Variants in RMND5B observed in about 807,000 individuals in gnomAD.
RMND5B encodes the protein E3 ubiquitin-protein transferase RMND5B.
A neutral mutation model predicts 50.4 loss-of-function variants in RMND5B; 42 were observed. The observed-to-expected ratio is 0.83, with a 90% CI of 0.65 to 1.08. The LOEUF is 1.08. RMND5B is among the 50% of genes least tolerant of loss of function. RMND5B has a pLI of 0.00. For missense variants in RMND5B, 463 were observed against 508.5 expected, an observed-to-expected ratio of 0.91 and a Z score of 0.86; for synonymous variants, 220 against 210.0, an observed-to-expected ratio of 1.05 and a Z score of -0.41.
At position 178,138,488 on chromosome 5, in the gene RMND5B, TTTCTA is replaced by T; in HGVS notation, c.139+233_139+237del. On this transcript the variant is annotated intron_variant, in intron 3 of 10. Coordinates refer to ENST00000313386, the MANE Select transcript of RMND5B (RefSeq NM_022762.5). The surrounding 1 kb of genome is among the most constrained non-coding windows in gnomAD (Gnocchi z 5.1). ...ATTTACATTTTGTTTTCAACTTACT[TTTCTA>T]TTTTTAACTTTTTTTCATTTTATAA... The T allele has an allele frequency of 8.3e-7, 1 of 1,206,050 alleles. No homozygotes were observed. The highest frequency in any genetic ancestry group is 1.6e-5 in the African/African-American group (1 of 64,224). The allele number at this position is 1,206,050 out of a possible 1,614,324, so 74.7% of individuals were successfully genotyped here.
At chr5:178,140,675 C>G (rs180861580) in intron 3 of RMND5B, among the ~76,000 whole-genome samples, 144 of 151,746 alleles carry the variant, frequency 9.5e-4, no homozygotes, top group Middle Eastern at 3.4e-3. Flanking sequence ...ACTAAAAATA[C>G]AAAAATTAGC....
intron 3 of RMND5B, among the ~76,000 whole-genome samples, chr5:178,141,068 A>G (rs994394226): frequency 6.6e-6 from 1 of 152,190 alleles, no homozygotes; most frequent in Admixed American, 6.5e-5. Context: ...TCACACTCAT[A>G]TTCTTATTTT....
rs1473457493 is a variant in RMND5B, at chr5:178,137,582, A to C, written c.-12-526A>C. Among the ~76,000 whole-genome samples, 1 of 152,132 alleles carries C rather than the reference A, an allele frequency of 6.6e-6. No homozygotes were observed. The highest frequency in any genetic ancestry group is 2.4e-5 in the African/African-American group (1 of 41,432). On this transcript the variant is annotated intron_variant, in intron 2 of 10. Transcript: ENST00000313386. This position sits in a 1 kb window ranked among gnomAD's most constrained non-coding sequence, Gnocchi z 4.4. ...CACACTCCTGTGGTCCCAGCTAGTCAGGAGGCTAAAGTGGGAGAATCCCTT... is the reference window on the plus strand; with the variant it reads ...CACACTCCTGTGGTCCCAGCTAGTCCGGAGGCTAAAGTGGGAGAATCCCTT...
At position 178,138,491 on chromosome 5, in the gene RMND5B, CTATTTT is replaced by C. The variant is rs920780744; in HGVS notation, c.139+236_139+241del. On this transcript the variant is annotated intron_variant, in intron 3 of 10. Coordinates refer to ENST00000313386, the MANE Select transcript of RMND5B (RefSeq NM_022762.5). This position sits in a 1 kb window ranked among gnomAD's most constrained non-coding sequence, Gnocchi z 5.1. The stretch of plus-strand genomic sequence containing the variant: ...TACATTTTGTTTTCAACTTACTTTT[CTATTTT>C]TAACTTTTTTTCATTTTATAATTGT... The C allele has an allele frequency of 3.6e-6, 4 of 1,107,394 alleles. No homozygotes were observed. In the African/African-American group the frequency reaches 4.9e-5, roughly 13 times the overall value. The allele number at this position is 1,107,394 out of a possible 1,614,324, so 68.6% of individuals were successfully genotyped here. A position where few individuals can be genotyped will look rare whatever the true frequency, so the allele number is the denominator to read the frequency against.
intron 2 of RMND5B, among the ~76,000 whole-genome samples, chr5:178,134,205 G>C (rs1758492825): frequency 6.6e-6 from 1 of 152,316 alleles, no homozygotes; most frequent in Middle Eastern, 3.4e-3. Context: ...ACTCTTGCCA[G>C]GTTATGAAGC....
At chr5:178,132,926 G>A (rs1044543343) in intron 2 of RMND5B, among the ~76,000 whole-genome samples, 3 of 151,174 alleles carry the variant, frequency 2.0e-5, no homozygotes, top group Non-Finnish European at 2.9e-5. Flanking sequence ...GTGCAGTGGC[G>A]CCATCTCAGC....
Position 178,137,705 on chromosome 5 carries a change from A to G in RMND5B, c.-12-403A>G, listed in dbSNP as rs911554801. ...AGCCTGTCTCAAAAAAAGAAAATAC[A>G]TACGTGTAATATGACATTATGCAGT... is the stretch of plus-strand genomic sequence containing the variant. On this transcript the variant is annotated intron_variant, in intron 2 of 10. Coordinates refer to ENST00000313386, the MANE Select transcript of RMND5B (RefSeq NM_022762.5). The surrounding 1 kb of genome is among the most constrained non-coding windows in gnomAD (Gnocchi z 4.4). Among the ~76,000 whole-genome samples the G allele has an allele frequency of 3.3e-5, 5 of 152,180 alleles. No homozygotes were observed. The highest frequency in any genetic ancestry group is 7.3e-5 in the Non-Finnish European group (5 of 68,040).
At chr5:178,132,151 A>G (rs1379701966) in intron 2 of RMND5B, among the ~76,000 whole-genome samples, 3 of 152,110 alleles carry the variant, frequency 2.0e-5, no homozygotes, top group African/African-American at 7.2e-5. Context: ...TGTCGCTCCA[A>G]AAAATTAGGC....
rs796999019 is a variant in RMND5B, at chr5:178,137,411, G to A, written c.-12-697G>A. ...TAACTCTATGAAAATACACGGGCCG[G>A]GCATGGTGGCTTATGCCTATAATCC... On this transcript the variant is annotated intron_variant, in intron 2 of 10. Coordinates refer to ENST00000313386, the MANE Select transcript of RMND5B (RefSeq NM_022762.5). The surrounding 1 kb of genome is among the most constrained non-coding windows in gnomAD (Gnocchi z 4.4). Among the ~76,000 whole-genome samples the A allele has an allele frequency of 3.3e-5, 5 of 152,294 alleles. No homozygotes were observed. In the South Asian group the frequency reaches 1.0e-3, roughly 32 times the overall value.
rs776510301 is a variant in RMND5B at position 178,150,082 on chromosome 5, G to A, written c.*2050G>A. 1.3e-4 allele frequency: 53 copies of A among 412,152 alleles called. No homozygotes were observed. The highest frequency in any genetic ancestry group is 2.2e-4 in the Non-Finnish European group (49 of 225,102). The allele number at this position is 412,152 out of a possible 1,614,324, so 25.5% of individuals were successfully genotyped here. A position where few individuals can be genotyped will look rare whatever the true frequency, so the allele number is the denominator to read the frequency against. ...ACTATGAAAGGGCTCCAGCCCAGCA[G>A]GGGCTGTCCCGGTCCCTGCCACCCC... On this transcript the variant is annotated 3_prime_UTR_variant, in exon 11 of 11. Coordinates refer to ENST00000313386, the MANE Select transcript of RMND5B (RefSeq NM_022762.5).
chr5:178,143,674 G>A lies in RMND5B; in HGVS notation c.474G>A (p.Glu158=), dbSNP rs114810177. 10 of 1,614,212 alleles carry A rather than the reference G, an allele frequency of 6.2e-6. No homozygotes were observed. Among genetic ancestry groups the A allele is most frequent in the Non-Finnish European group, 8.5e-6 (10 of 1,180,032 alleles). ...TGGATTTCAAGCAGCCTTTCCTAGA[G>A]TTGAATCGAATCCTGGAAGCCCTGC... ...VDLDFKQPFL[E]LNRILEALHE... is the part of the protein sequence containing the mutation. The change falls in exon 6 of 11, where the codon GAG becomes GAA. Residue 158 remains glutamate (E), a synonymous_variant. Transcript: ENST00000313386.
In RMND5B at chr5:178,148,229, C is replaced by A; in HGVS notation, c.*197C>A. On this transcript the variant is annotated 3_prime_UTR_variant, in exon 11 of 11. Coordinates refer to ENST00000313386, the MANE Select transcript of RMND5B (RefSeq NM_022762.5). ...GGACCAGCCCACGCCTGGCACCTGG[C>A]TCCATGGCATAAGGAAAGGGAGATG... 1.6e-6 allele frequency: 1 copy of A among 610,766 alleles called. No homozygotes were observed. The highest frequency in any genetic ancestry group is 2.9e-6 in the Non-Finnish European group (1 of 343,414). 37.8% of individuals were successfully genotyped at this position (610,766 alleles called of 1,614,324 possible).
At chr5:178,131,097 G>A (rs1758263800) in intron 1 of RMND5B, 43 bp downstream of exon 1, 1 of 151,700 alleles carries the variant, frequency 6.6e-6, no homozygotes, top group East Asian at 2.0e-4. Context: ...GCGGGCCGAG[G>A]GCGGGCACAG....
At chr5:178,147,671 A>G (rs1756097948) in intron 9 of RMND5B, 36 bp downstream of exon 9, 1 of 1,614,034 alleles carries the variant, frequency 6.2e-7, no homozygotes, top group South Asian at 1.1e-5. Flanking sequence ...GGCAAGAGGT[A>G]CTGGGGAGGA....
intron 3 of RMND5B, 167 bp from the exon 4 acceptor site, chr5:178,142,412 TCAGA>T: frequency 1.3e-6 from 1 of 751,384 alleles, no homozygotes; most frequent in Non-Finnish European, 2.2e-6. Context: ...CAGTTCCAAG[TCAGA>T]CAGTTAAAAA....
In RMND5B at chr5:178,138,274, T is replaced by C; in HGVS notation, c.139+16T>C. The C allele has an allele frequency of 1.9e-6, 3 of 1,611,558 alleles. No homozygotes were observed. The South Asian group carries it at 3.3e-5, about 18-fold the overall frequency. On this transcript the variant is annotated intron_variant, in intron 3 of 10. Coordinates refer to ENST00000313386, the MANE Select transcript of RMND5B (RefSeq NM_022762.5). The surrounding 1 kb of genome is among the most constrained non-coding windows in gnomAD (Gnocchi z 5.1). ...GCCAGCGCAGGTGGGTGGCCACCCT[T>C]GCAAGTGCCCTGCGACAGCCTCCCT...
chr5:178,144,168 G>A, intron 7 of RMND5B, 60 bp downstream of exon 7: 5 of 1,559,310 alleles, frequency 3.2e-6, no homozygotes, highest in Non-Finnish European at 4.4e-6. Context: ...GGATGTGGTA[G>A]GTTACATCAG....
intron 3 of RMND5B, among the ~76,000 whole-genome samples, chr5:178,139,949 C>CT (rs1380487056): frequency 1.3e-5 from 2 of 152,078 alleles, no homozygotes; most frequent in African/African-American, 4.8e-5. Flanking sequence ...CTAATCTTTA[C>CT]TTTTTTTAAT....
Position 178,147,898 on chromosome 5 carries a change from C to A in RMND5B, c.1118+15C>A. 1 of 1,614,126 alleles carries A rather than the reference C, an allele frequency of 6.2e-7. No individual in the cohort carries two copies. The highest frequency in any genetic ancestry group is 1.6e-4 in the Middle Eastern group (1 of 6,062). On this transcript the variant is annotated intron_variant, in intron 10 of 10. Coordinates refer to ENST00000313386, the MANE Select transcript of RMND5B (RefSeq NM_022762.5). Reference sequence around the variant, plus strand: ...AATGGAGGAAAGTAAGTTCCCCGTGCTCTACTCCACCTTGGCTTGGCTCTC... The same window carrying A: ...AATGGAGGAAAGTAAGTTCCCCGTGATCTACTCCACCTTGGCTTGGCTCTC...
Sources: gnomAD v4.1 joint callset for allele counts (sites outside exome capture counted in the v4.1 genomes callset) on GRCh38, gnomAD v4.1.1 for gene constraint, Gnocchi (gnomAD v3.1) non-coding constraint, MANE v1.5 for transcripts, NCBI Gene and HGNC (gene_info 2026-07-23, HGNC 2026-07-21) for gene names.